The following KRT32 variants were observed in gnomAD, a reference collection of about 807,000 sequenced individuals.
The protein encoded by KRT32 is keratin, type I cuticular Ha2.
Under a neutral mutation model 41.8 loss-of-function variants are expected in KRT32, and 44 were observed. That is an observed-to-expected ratio of 1.05 (90% CI 0.83 to 1.35). The LOEUF (loss-of-function observed/expected upper bound fraction) is 1.35. Among genes scored for constraint, KRT32 ranks in the 40% most tolerant of loss-of-function variants. KRT32 has a pLI of 0.00. For synonymous variants in KRT32, 238 were observed against 242.5 expected (o/e 0.98, Z 0.17); for missense variants, 576 against 584.6 (o/e 0.99, Z 0.15).
In KRT32 at chr17:41,459,619, G is replaced by T. The variant is rs2018979446; in HGVS notation, c.*491C>A. On this transcript the variant is annotated 3_prime_UTR_variant, in exon 7 of 7. Transcript: ENST00000225899. The stretch of plus-strand genomic sequence containing the variant: ...CCTCTCTTTATTCTTTTATTACTTG[G>T]CTCTAGAGTAATTGATTAGTTTTAA... Among the ~76,000 whole-genome samples, 1 of 152,090 alleles carries T rather than the reference G, an allele frequency of 6.6e-6. No individual in the cohort carries two copies. Among genetic ancestry groups the T allele is most frequent in the Non-Finnish European group, 1.5e-5 (1 of 68,012 alleles).
intron 6 of KRT32, among the ~76,000 whole-genome samples, chr17:41,461,472 C>T (rs2019001313): frequency 6.6e-6 from 1 of 152,192 alleles, no homozygotes. Context: ...TCATGTGCAA[C>T]CTGAAATGTG....
chr17:41,466,264 G>A (rs1466473094), intron 1 of KRT32, 88 bp from the exon 2 acceptor site: 9 of 1,076,276 alleles, frequency 8.4e-6, no homozygotes, highest in African/African-American at 3.1e-5. Context: ...AGCAAAGGTA[G>A]GATCCAGCAG....
At chr17:41,462,739 T>G in intron 6 of KRT32, 91 bp downstream of exon 6, 1 of 1,387,436 alleles carries the variant, frequency 7.2e-7, no homozygotes, top group South Asian at 1.3e-5. Context: ...GGTTCTAAGC[T>G]GATGGTCCCT....
chr17:41,462,921 T>A lies in KRT32; in HGVS notation c.1126A>T (p.Asn376Tyr). ...AEIRADLERQNQEYQVLLDVR... is the reference protein window; with the variant it reads ...AEIRADLERQYQEYQVLLDVR... ...TCCAGCAGCACCTGGTACTCCTGGTTCTGCCGCTCCAGGTCAGCCCGGATC... is the reference window on the plus strand; with the variant it reads ...TCCAGCAGCACCTGGTACTCCTGGTACTGCCGCTCCAGGTCAGCCCGGATC... Residue 376 changes from asparagine (N) to tyrosine (Y), a missense_variant, in exon 6 of 7, where the codon AAC becomes TAC. Coordinates refer to ENST00000225899, the MANE Select transcript of KRT32 (RefSeq NM_002278.3). 1 of 1,614,106 alleles carries A rather than the reference T, an allele frequency of 6.2e-7. No homozygotes were observed. The highest frequency in any genetic ancestry group is 8.5e-7 in the Non-Finnish European group (1 of 1,180,000).
intron 5 of KRT32, among the ~76,000 whole-genome samples, chr17:41,463,733 G>A (rs2019032814): frequency 6.6e-6 from 1 of 152,002 alleles, no homozygotes. Context: ...CTGTGATCAG[G>A]TCCCACCTCC....
rs575582016 is a variant in KRT32, at chr17:41,464,132, G to T, written c.942C>A (p.Asp314Glu). ...QLQNYQSDIIDLRRTVNTLEI... is the reference protein window; with the variant it reads ...QLQNYQSDIIELRRTVNTLEI... ...CCAGCGTGTTGACCGTGCGTCTCAG[G>T]TCAATGATGTCTGACTGGTAGTTCT... The change falls in exon 5 of 7, where the codon GAC becomes GAA. Residue 314 changes from aspartate (D) to glutamate (E), a missense_variant. Coordinates refer to ENST00000225899, the MANE Select transcript of KRT32 (RefSeq NM_002278.3). 1.2e-6 allele frequency: 2 copies of T among 1,613,224 alleles called. No homozygotes were observed. The highest frequency in any genetic ancestry group is 2.7e-5 in the African/African-American group (2 of 75,024).
chr17:41,465,349 G>A (rs188742612), intron 3 of KRT32, among the ~76,000 whole-genome samples: 2 of 152,080 alleles, frequency 1.3e-5, no homozygotes, highest in East Asian at 1.9e-4. Context: ...GCCATTCAAC[G>A]TGAGATCTGG....
chr17:41,464,334 T>C lies in KRT32; in HGVS notation c.818A>G (p.Glu273Gly). The change falls in exon 4 of 7, where the codon GAG becomes GGG. Residue 273 changes from glutamate to glycine, a missense_variant. Physicochemically the swap from Glu to Gly is moderately conservative, Grantham distance 98 (BLOSUM62 -2). Coordinates refer to ENST00000225899, the MANE Select transcript of KRT32 (RefSeq NM_002278.3). ...CCTGCGGTTGGCCTCCACCATGGCC[T>C]CGTACTGACACCGCATCTCCTCCAG... is the stretch of plus-strand genomic sequence containing the variant. ...RVLEEMRCQY[E>G]AMVEANRRDV... The C allele has an allele frequency of 6.2e-7, 1 of 1,612,172 alleles. No homozygotes were observed. Among genetic ancestry groups the C allele is most frequent in the Non-Finnish European group, 8.5e-7 (1 of 1,178,906 alleles).
intron 5 of KRT32, among the ~76,000 whole-genome samples, 194 bp from the exon 6 acceptor site, chr17:41,463,244 C>G (rs2019025149): frequency 6.6e-6 from 1 of 152,224 alleles, no homozygotes; most frequent in African/African-American, 2.4e-5. Context: ...TATGGAACCA[C>G]AGTTTCTGTT....
At chr17:41,465,996 T>A in intron 2 of KRT32, 67 bp from the exon 3 acceptor site, 1 of 1,601,810 alleles carries the variant, frequency 6.2e-7, no homozygotes, top group Non-Finnish European at 8.5e-7. Flanking sequence ...GGCCTTAAAC[T>A]GCCGGCACTT....
intron 1 of KRT32, 39 bp from the exon 2 acceptor site, chr17:41,466,215 G>T (rs556018109): frequency 6.4e-7 from 1 of 1,566,192 alleles, no homozygotes. Context: ...AGTTCAGGAT[G>T]AGACGAAGCA....
chr17:41,467,145 A>G lies in KRT32; in HGVS notation c.181T>C (p.Cys61Arg). The change falls in exon 1 of 7, where the codon TGC becomes CGC. Residue 61 changes from cysteine to arginine, a missense_variant. Physicochemically the swap from Cys to Arg is radical, Grantham distance 180. Coordinates refer to ENST00000225899, the MANE Select transcript of KRT32 (RefSeq NM_002278.3). ...CLPTTFRPASCLSKTYLSSSC... is the reference protein window; with the variant it reads ...CLPTTFRPASRLSKTYLSSSC... ...CTGGATAGATAGGTTTTGGAGAGGC[A>G]GCTGGCTGGCCGGAAGGTGGTGGGC... The G allele has an allele frequency of 6.2e-7, 1 of 1,614,066 alleles. No homozygotes were observed. Among genetic ancestry groups the G allele is most frequent in the Non-Finnish European group, 8.5e-7 (1 of 1,180,020 alleles).
In KRT32 at chr17:41,466,190, C is replaced by G. The variant is rs1455651101; in HGVS notation, c.469-14G>C. 6.2e-7 allele frequency: 1 copy of G among 1,610,510 alleles called. No homozygotes were observed. Among genetic ancestry groups the G allele is most frequent in the African/African-American group, 1.3e-5 (1 of 74,842 alleles). ...GGTACACAGAATCTGTAGGCCAAGG[C>G]ACATGGAGAGGGTTAGTTCAGGATG... is the stretch of plus-strand genomic sequence containing the variant. On this transcript the variant is annotated splice_polypyrimidine_tract_variant and intron_variant, in intron 1 of 6. Coordinates refer to ENST00000225899, the MANE Select transcript of KRT32 (RefSeq NM_002278.3).
intron 5 of KRT32, 136 bp downstream of exon 5, chr17:41,463,941 CT>C: frequency 1.1e-6 from 1 of 872,318 alleles, no homozygotes; most frequent in Admixed American, 3.4e-5. Context: ...AGAAACCTCC[CT>C]CCGGGAAAAG....
Position 41,464,621 on chromosome 17 carries a change from C to T in KRT32, c.709-178G>A, listed in dbSNP as rs182948314. ...GCTCTTCAAACTCCAGCTGAATACC[C>T]CTGCGATGGGAACCTCACTGCAACA... On this transcript the variant is annotated intron_variant, in intron 3 of 6. Coordinates refer to ENST00000225899, the MANE Select transcript of KRT32 (RefSeq NM_002278.3). 1.6e-4 allele frequency among the ~76,000 whole-genome samples: 24 copies of T among 152,336 alleles called. No homozygotes were observed. The East Asian group carries it at 4.6e-3, about 29-fold the overall frequency.
chr17:41,462,716 A>T, intron 6 of KRT32, 114 bp downstream of exon 6: 1 of 1,154,856 alleles, frequency 8.7e-7, no homozygotes. Context: ...TAATGGCTCC[A>T]TAGTCAGGAC....
chr17:41,460,470 G>A (rs1422616452), intron 6 of KRT32, among the ~76,000 whole-genome samples: 2 of 152,110 alleles, frequency 1.3e-5, no homozygotes, highest in African/African-American at 4.8e-5. Flanking sequence ...AGTAGCCAGA[G>A]CAATCTTCTA....
At chr17:41,462,436 C>T (rs1029883459) in intron 6 of KRT32, among the ~76,000 whole-genome samples, 6 of 152,266 alleles carry the variant, frequency 3.9e-5, no homozygotes, top group Non-Finnish European at 7.3e-5. Context: ...TGTGTAGGTA[C>T]TATTAATAAA....
At chr17:41,462,708 A>T (rs1051384000) in intron 6 of KRT32, 122 bp downstream of exon 6, 1 of 1,078,702 alleles carries the variant, frequency 9.3e-7, no homozygotes, top group Non-Finnish European at 1.3e-6. Context: ...CAGCTTCTTA[A>T]TGGCTCCATA....
Sources: allele counts gnomAD v4.1 joint callset (sites outside exome capture counted in the v4.1 genomes callset), GRCh38; gene constraint gnomAD v4.1.1; transcripts MANE v1.5; gene names NCBI Gene and HGNC (gene_info 2026-07-23, HGNC 2026-07-21).